KCTD8: variants seen among roughly 807,000 people sequenced by gnomAD.
KCTD8 encodes BTB/POZ domain-containing protein KCTD8.
A neutral mutation model predicts 31.5 loss-of-function variants in KCTD8; 27 were observed. The observed-to-expected ratio is 0.86, with a 90% CI of 0.63 to 1.18. The LOEUF (loss-of-function observed/expected upper bound fraction) is 1.18. KCTD8 is among the 50% of genes most tolerant of loss of function. The pLI, the probability that KCTD8 is intolerant of heterozygous loss-of-function variation, is 0.00. For missense variants in KCTD8, 658 were observed against 647.7 expected, an observed-to-expected ratio of 1.02 and a Z score of -0.17; for synonymous variants, 290 against 280.0, an observed-to-expected ratio of 1.04 and a Z score of -0.36.
intron 1 of KCTD8, among the ~76,000 whole-genome samples, chr4:44,180,939 T>A (rs1413819970): frequency 6.6e-6 from 1 of 152,190 alleles, no homozygotes; most frequent in African/African-American, 2.4e-5. Flanking sequence ...ATTCAATTAC[T>A]ACTATGGTAT....
intron 1 of KCTD8, among the ~76,000 whole-genome samples, chr4:44,321,260 T>C (rs139138334): frequency 1.3e-5 from 2 of 152,346 alleles, no homozygotes; most frequent in Admixed American, 1.3e-4. Context: ...TTGTGCACTA[T>C]TGTCCACCAA....
chr4:44,191,451 A>G (rs1713762558), intron 1 of KCTD8, among the ~76,000 whole-genome samples: 1 of 152,204 alleles, frequency 6.6e-6, no homozygotes, highest in Non-Finnish European at 1.5e-5. Flanking sequence ...AAAAAGAGCC[A>G]TATTTTTCTT....
chr4:44,408,791 T>A (rs1720875150), intron 1 of KCTD8, among the ~76,000 whole-genome samples: 1 of 151,990 alleles, frequency 6.6e-6, no homozygotes, highest in Non-Finnish European at 1.5e-5. Context: ...GCTAATTTTT[T>A]ATATTTTAGT....
Position 44,414,557 on chromosome 4 carries a change from C to G in KCTD8, c.961+33006G>C, listed in dbSNP as rs1577662084. ...TGCACCCTGACAAAAACTGGGTGGC[C>G]CCTGAGGGCTGAGAATTACTGTCAT... On this transcript the variant is annotated intron_variant, in intron 1 of 1. Transcript: ENST00000360029. Among the ~76,000 whole-genome samples the G allele has an allele frequency of 3.3e-5, 5 of 152,192 alleles. No homozygotes were observed. The South Asian group carries it at 1.0e-3, about 32-fold the overall frequency.
At chr4:44,328,113 A>G (rs992787363) in intron 1 of KCTD8, among the ~76,000 whole-genome samples, 3 of 151,960 alleles carry the variant, frequency 2.0e-5, no homozygotes. Context: ...AAATAAAAAC[A>G]CATAATGATT....
intron 1 of KCTD8, among the ~76,000 whole-genome samples, chr4:44,395,708 G>A (rs1246558238): frequency 3.3e-5 from 5 of 151,990 alleles, no homozygotes; most frequent in East Asian, 3.9e-4. Flanking sequence ...AAAAATGTTC[G>A]TACTTTTACT....
chr4:44,350,252 A>G (rs549580525), intron 1 of KCTD8, among the ~76,000 whole-genome samples: 1 of 152,314 alleles, frequency 6.6e-6, no homozygotes, highest in African/African-American at 2.4e-5. Context: ...CCGTTTTCAC[A>G]ACACCTTCTC....
intron 1 of KCTD8, among the ~76,000 whole-genome samples, chr4:44,299,015 G>A (rs1455627224): frequency 6.6e-6 from 1 of 152,046 alleles, no homozygotes; most frequent in African/African-American, 2.4e-5. Context: ...ATTATTACAA[G>A]CTTCTTTGAA....
chr4:44,428,788 A>G (rs752746256), intron 1 of KCTD8, among the ~76,000 whole-genome samples: 2 of 151,884 alleles, frequency 1.3e-5, no homozygotes, highest in Admixed American at 6.6e-5. Flanking sequence ...ATGGTCACTT[A>G]AAGACCACAC....
chr4:44,417,850 G>C (rs559629694), intron 1 of KCTD8, among the ~76,000 whole-genome samples: 95 of 46,488 alleles, frequency 2.0e-3, no homozygotes, highest in African/African-American at 6.7e-3. Flanking sequence ...CTAAGTGTTT[G>C]TTTTTCATGA....
chr4:44,303,944 A>G lies in KCTD8; in HGVS notation c.962-128694T>C, dbSNP rs538727616. ...TGCCCTCCAAAATCTCAGCTGCAAG[A>G]TAAATACAAACTCAGGTTACAAATC... is the stretch of plus-strand genomic sequence containing the variant. On this transcript the variant is annotated intron_variant, in intron 1 of 1. Transcript: ENST00000360029. Among the ~76,000 whole-genome samples the G allele has an allele frequency of 5.9e-5, 9 of 152,324 alleles. No homozygotes were observed. In the East Asian group the frequency reaches 1.2e-3, roughly 20 times the overall value.
At chr4:44,246,380 C>T (rs922186679) in intron 1 of KCTD8, among the ~76,000 whole-genome samples, 3 of 151,850 alleles carry the variant, frequency 2.0e-5, no homozygotes, top group African/African-American at 7.3e-5. Context: ...TTCTTGTTTC[C>T]TATTAGTCCT....
chr4:44,425,802 G>A (rs768666107), intron 1 of KCTD8, among the ~76,000 whole-genome samples: 5 of 151,900 alleles, frequency 3.3e-5, no homozygotes, highest in Non-Finnish European at 5.9e-5. Flanking sequence ...AAACATCCTT[G>A]TGGGATGATG....
intron 1 of KCTD8, among the ~76,000 whole-genome samples, chr4:44,243,005 G>A (rs925924576): frequency 2.0e-5 from 3 of 152,106 alleles, no homozygotes; most frequent in African/African-American, 7.2e-5. Flanking sequence ...CCCAGCCTCA[G>A]GTATTTATAG....
intron 1 of KCTD8, among the ~76,000 whole-genome samples, chr4:44,225,004 G>A (rs887919527): frequency 1.1e-4 from 17 of 152,056 alleles, no homozygotes; most frequent in African/African-American, 4.1e-4. Flanking sequence ...AATTTTAAGG[G>A]GGGTTGAGAA....
chr4:44,272,380 G>A (rs757532036), intron 1 of KCTD8, among the ~76,000 whole-genome samples: 18 of 151,570 alleles, frequency 1.2e-4, no homozygotes, highest in South Asian at 4.2e-4. Flanking sequence ...TATGGAATCC[G>A]CACAGACTTG....
chr4:44,408,652 C>A (rs1182588253), intron 1 of KCTD8, among the ~76,000 whole-genome samples: 2 of 152,074 alleles, frequency 1.3e-5, no homozygotes, highest in South Asian at 2.1e-4. Context: ...CGGAGTCTTG[C>A]GCTGTTGCCA....
intron 1 of KCTD8, among the ~76,000 whole-genome samples, chr4:44,446,033 T>A (rs60553975): frequency 0.056 from 8,537 of 152,276 alleles, 776 homozygotes; most frequent in African/African-American, 0.19. Context: ...TTTTTTAGCT[T>A]CCAATTCAGT....
chr4:44,445,560 C>T (rs1577675287), intron 1 of KCTD8, among the ~76,000 whole-genome samples: 1 of 152,092 alleles, frequency 6.6e-6, no homozygotes, highest in African/African-American at 2.4e-5. Flanking sequence ...TTTCCAGTTT[C>T]AATATACTAA....
Sources: gnomAD v4.1 joint callset for allele counts (sites outside exome capture counted in the v4.1 genomes callset) on GRCh38, gnomAD v4.1.1 for gene constraint, MANE v1.5 for transcripts, NCBI Gene and HGNC (gene_info 2026-07-23, HGNC 2026-07-21) for gene names.